The following IL4R variants were observed in gnomAD, a reference collection of about 807,000 sequenced individuals.
IL4R encodes interleukin-4 receptor subunit alpha.
In IL4R, 17 loss-of-function variants were observed where a neutral mutation model predicts 41.5. That is an observed-to-expected ratio of 0.41 (90% confidence interval 0.28 to 0.61). IL4R has a LOEUF of 0.61. IL4R is among the 20% of genes least tolerant of loss of function. The pLI is 0.31. For synonymous variants in IL4R, 402 were observed against 422.9 expected (o/e 0.95, Z 0.61); for missense variants, 974 against 1,043.1 (o/e 0.93, Z 0.91).
intron 7 of IL4R, among the ~76,000 whole-genome samples, chr16:27,353,215 G>A (rs561914617): frequency 6.6e-6 from 1 of 152,320 alleles, no homozygotes; most frequent in South Asian, 2.1e-4. Context: ...CCCAGGTACT[G>A]GGAAGGCTGA....
rs2085790401 is a variant in IL4R, at chr16:27,349,564, A to C, written c.513+2946A>C. Among the ~76,000 whole-genome samples, 3 of 152,124 alleles carry C rather than the reference A, an allele frequency of 2.0e-5. No homozygotes were observed. The South Asian group carries it at 6.2e-4, about 32-fold the overall frequency. On this transcript the variant is annotated intron_variant, in intron 6 of 10. Coordinates refer to ENST00000395762, the MANE Select transcript of IL4R (RefSeq NM_000418.4). ...GTTTATGGGTGTGAAAATTCATGGA[A>C]TGTTTGAGGATTATGGGGTTGGGGG...
intron 2 of IL4R, among the ~76,000 whole-genome samples, chr16:27,336,792 G>A (rs1206156645): frequency 2.6e-5 from 4 of 151,608 alleles, no homozygotes; most frequent in African/African-American, 4.9e-5. Flanking sequence ...AGAAGTGCAG[G>A]TGGCAGCCGG....
chr16:27,344,071 G>A (rs1157430102), intron 4 of IL4R, among the ~76,000 whole-genome samples: 7 of 152,062 alleles, frequency 4.6e-5, no homozygotes, highest in East Asian at 1.9e-4. Context: ...TTGGGAGGCC[G>A]AGGTGGGCAG....
intron 2 of IL4R, among the ~76,000 whole-genome samples, chr16:27,331,342 C>T (rs957750043): frequency 5.3e-5 from 8 of 152,130 alleles, no homozygotes; most frequent in African/African-American, 1.9e-4. Context: ...GATTTAAGAC[C>T]CATGACTGTC....
At chr16:27,316,460 G>T (rs774319985) in intron 1 of IL4R, among the ~76,000 whole-genome samples, 1 of 152,214 alleles carries the variant, frequency 6.6e-6, no homozygotes, top group African/African-American at 2.4e-5. Flanking sequence ...CATCTGGGAC[G>T]ATGGAGGAGA....
At chr16:27,320,185 T>G (rs911523907) in intron 1 of IL4R, among the ~76,000 whole-genome samples, 6 of 152,184 alleles carry the variant, frequency 3.9e-5, no homozygotes, top group Admixed American at 6.6e-5. Context: ...GTGCTTCTTA[T>G]GAGACTCTAA....
intron 2 of IL4R, among the ~76,000 whole-genome samples, chr16:27,336,714 A>AG (rs2085271453): frequency 6.7e-6 from 1 of 149,716 alleles, no homozygotes; most frequent in Admixed American, 6.7e-5. Flanking sequence ...GAGGAAGGGA[A>AG]GGTCCCTCCA....
chr16:27,316,487 G>A (rs2084656048), intron 1 of IL4R, among the ~76,000 whole-genome samples: 1 of 152,306 alleles, frequency 6.6e-6, no homozygotes, highest in Non-Finnish European at 1.5e-5. Context: ...GGGATTAGAT[G>A]CCCCACCTCT....
chr16:27,333,843 A>C (rs1002907319), intron 2 of IL4R, among the ~76,000 whole-genome samples: 49 of 151,598 alleles, frequency 3.2e-4, no homozygotes, highest in African/African-American at 1.2e-3. Flanking sequence ...TGAGCTTGGC[A>C]GGTGACCGCT....
chr16:27,319,720 C>T (rs1371653257), intron 1 of IL4R, among the ~76,000 whole-genome samples: 2 of 152,080 alleles, frequency 1.3e-5, no homozygotes, highest in African/African-American at 2.4e-5. Context: ...GGTGAGTGAG[C>T]GAAGTTTTAT....
intron 10 of IL4R, among the ~76,000 whole-genome samples, chr16:27,361,248 C>T (rs1184239741): frequency 6.6e-6 from 1 of 152,062 alleles, no homozygotes; most frequent in Non-Finnish European, 1.5e-5. Flanking sequence ...AAGTGATCCT[C>T]CCATCTTAGC....
chr16:27,345,510 A>G lies in IL4R; in HGVS notation c.361+490A>G. The G allele has an allele frequency of 3.8e-6, 1 of 263,548 alleles. No individual in the cohort carries two copies. 16.3% of individuals were successfully genotyped at this position (263,548 alleles called of 1,614,324 possible). ...AACATGCGTTGTATTCCAGTGATGC[A>G]TGATATGACATGCATCACAGGAATA... On this transcript the variant is annotated intron_variant, in intron 5 of 10. Coordinates refer to ENST00000395762, the MANE Select transcript of IL4R (RefSeq NM_000418.4). The surrounding 1 kb of genome is among the most constrained non-coding windows in gnomAD (Gnocchi z 4.5).
At chr16:27,346,660 A>T (rs777516402) in intron 6 of IL4R, 42 bp downstream of exon 6, 6 of 1,608,384 alleles carry the variant, frequency 3.7e-6, no homozygotes, top group Non-Finnish European at 5.1e-6. Flanking sequence ...ACCTCTGGGG[A>T]ACAGGGTGGG....
Position 27,342,044 on chromosome 16 carries a change from C to A in IL4R, c.71-77C>A, listed in dbSNP as rs1003024366. ...TGCACTGTGCTTTTGTGCTATTCCC[C>A]TTGGTCCTGTTTGGGTGCAAGTCCC... is the stretch of plus-strand genomic sequence containing the variant. On this transcript the variant is annotated intron_variant, in intron 3 of 10. Coordinates refer to ENST00000395762, the MANE Select transcript of IL4R (RefSeq NM_000418.4). 11 of 1,534,128 alleles carry A rather than the reference C, an allele frequency of 7.2e-6. No individual in the cohort carries two copies. In the African/African-American group the frequency reaches 1.4e-4, roughly 19 times the overall value.
At chr16:27,313,951 G>C (rs1429352749), upstream of IL4R, 1 of 984,668 alleles carries the variant, frequency 1.0e-6, no homozygotes. Context: ...GCGGGCCAGG[G>C]AAGGGCCACC....
intron 2 of IL4R, among the ~76,000 whole-genome samples, chr16:27,330,997 G>A (rs1002732865): frequency 6.6e-6 from 1 of 152,014 alleles, no homozygotes; most frequent in African/African-American, 2.4e-5. Flanking sequence ...TGGCTGTGAT[G>A]TGGAGAAGAG....
At chr16:27,318,155 A>G (rs1465383491) in intron 1 of IL4R, among the ~76,000 whole-genome samples, 2 of 152,224 alleles carry the variant, frequency 1.3e-5, no homozygotes, top group Admixed American at 6.5e-5. Flanking sequence ...TAGAGTCTTC[A>G]TCCTCTTCGG....
chr16:27,347,527 T>A (rs542326798), intron 6 of IL4R, among the ~76,000 whole-genome samples: 1 of 152,266 alleles, frequency 6.6e-6, no homozygotes, highest in South Asian at 2.1e-4. Flanking sequence ...ATTGACATCT[T>A]TAAAAAGGGC....
chr16:27,313,839 C>A (rs2084540274), upstream of IL4R: 6 of 851,390 alleles, frequency 7.0e-6, no homozygotes, highest in South Asian at 3.1e-4. Context: ...CCGGGCCGGG[C>A]GCGCCGGGCG....
Sources: allele counts gnomAD v4.1 joint callset (sites outside exome capture counted in the v4.1 genomes callset), GRCh38; gene constraint gnomAD v4.1.1; non-coding constraint Gnocchi (gnomAD v3.1); transcripts MANE v1.5; gene names NCBI Gene and HGNC (gene_info 2026-07-23, HGNC 2026-07-21).